The following RALGAPA2 variants were observed in gnomAD, a reference collection of about 807,000 sequenced individuals.
RALGAPA2 encodes ral GTPase-activating protein subunit alpha-2.
In RALGAPA2, 139 loss-of-function variants were observed where a neutral mutation model predicts 230.4. The observed-to-expected ratio is 0.60, with a 90% CI of 0.53 to 0.69. The LOEUF is 0.69. Ranked by LOEUF, RALGAPA2 falls within the 30% of genes least tolerant of loss-of-function variation. The probability of loss-of-function intolerance (pLI) is 0.00; values close to 1 mark genes in which losing one functional copy is unlikely to be tolerated. For missense variants in RALGAPA2, 2,163 were observed against 2,276.0 expected (o/e 0.95, Z 1.01); for synonymous variants, 847 against 837.8 (o/e 1.01, Z -0.19).
rs2059634957 is a variant in RALGAPA2 at position 20,393,261 on chromosome 20, G to C, written c.*36-8C>G. 7.5e-7 allele frequency: 1 copy of C among 1,337,908 alleles called. No homozygotes were observed. Among genetic ancestry groups the C allele is most frequent in the African/African-American group, 1.5e-5 (1 of 66,912 alleles). 82.9% of individuals were successfully genotyped at this position (1,337,908 alleles called of 1,614,324 possible). Reference sequence around the variant, plus strand: ...GACTGGAGGCCAGGGCCCCTGCAAAGGAAGCAGAGAACTGCTAAGTCATGG... The same window carrying C: ...GACTGGAGGCCAGGGCCCCTGCAAACGAAGCAGAGAACTGCTAAGTCATGG... On this transcript the variant is annotated splice_region_variant and splice_polypyrimidine_tract_variant and intron_variant, in intron 39 of 39. Transcript: ENST00000202677.
At position 20,393,098 on chromosome 20, in the gene RALGAPA2, A is replaced by G; in HGVS notation, c.*191T>C. 7.4e-7 allele frequency: 1 copy of G among 1,355,424 alleles called. No individual in the cohort carries two copies. Among genetic ancestry groups the G allele is most frequent in the Non-Finnish European group, 9.8e-7 (1 of 1,016,578 alleles). 84.0% of individuals were successfully genotyped at this position (1,355,424 alleles called of 1,614,324 possible). On this transcript the variant is annotated 3_prime_UTR_variant, in exon 40 of 40. Coordinates refer to ENST00000202677, the MANE Select transcript of RALGAPA2 (RefSeq NM_020343.4). Reference sequence around the variant, plus strand: ...GATTCACCATGGGCTTCAGAAGTCCACTAATGGGAAGACCTGCTGAGGGCA... The same window carrying G: ...GATTCACCATGGGCTTCAGAAGTCCGCTAATGGGAAGACCTGCTGAGGGCA...
chr20:20,412,177 C>T, intron 37 of RALGAPA2, 29 bp from the exon 38 acceptor site: 1 of 1,612,360 alleles, frequency 6.2e-7, no homozygotes, highest in Non-Finnish European at 8.5e-7. Context: ...GAAACAAGTG[C>T]ACGTGCAAAG....
rs2060634424 is a variant in RALGAPA2 at position 20,437,210 on chromosome 20, C to T, written c.5496-25062G>A. 6.6e-6 allele frequency among the ~76,000 whole-genome samples: 1 copy of T among 152,144 alleles called. No individual in the cohort carries two copies. The highest frequency in any genetic ancestry group is 1.5e-5 in the Non-Finnish European group (1 of 68,030). Reference sequence around the variant, plus strand: ...TGGGGAAATTAAGGAGACTGGCAACCACAAACCACTCTGAACGTCCTGAAG... The same window carrying T: ...TGGGGAAATTAAGGAGACTGGCAACTACAAACCACTCTGAACGTCCTGAAG... On this transcript the variant is annotated intron_variant, in intron 37 of 39. Coordinates refer to ENST00000202677, the MANE Select transcript of RALGAPA2 (RefSeq NM_020343.4). The surrounding 1 kb of genome is among the most constrained non-coding windows in gnomAD (Gnocchi z 4.1).
intron 33 of RALGAPA2, among the ~76,000 whole-genome samples, chr20:20,506,580 C>A (rs1020841423): frequency 6.6e-6 from 1 of 152,058 alleles, no homozygotes; most frequent in Admixed American, 6.6e-5. Context: ...ACTTCCAGAG[C>A]GGTTCCAACT....
At chr20:20,654,879 C>T (rs1834780566) in intron 3 of RALGAPA2, among the ~76,000 whole-genome samples, 1 of 152,144 alleles carries the variant, frequency 6.6e-6, no homozygotes, top group Non-Finnish European at 1.5e-5. Flanking sequence ...CCAGCATTTC[C>T]TTTTCTCTAC....
rs117016127 is a variant in RALGAPA2, at chr20:20,508,880, G to A, written c.4928+2374C>T. Among the ~76,000 whole-genome samples the A allele has an allele frequency of 1.9e-3, 286 of 152,334 alleles. 1 individual carries two copies. The highest frequency in any genetic ancestry group is 3.1e-3 in the Non-Finnish European group (214 of 68,032). On this transcript the variant is annotated intron_variant, in intron 33 of 39. Transcript: ENST00000202677. ...TCCAGGAGTTGGGGTTTTAAGTGAA[G>A]GTTGATCAAGGGGCAGGGGACTGCC...
intron 4 of RALGAPA2, 84 bp downstream of exon 4, chr20:20,653,446 T>C: frequency 1.3e-6 from 1 of 785,758 alleles, no homozygotes. Flanking sequence ...ATAAGCTATC[T>C]TGATGATATC....
At chr20:20,506,717 T>C (rs1228839875) in intron 33 of RALGAPA2, among the ~76,000 whole-genome samples, 1 of 152,252 alleles carries the variant, frequency 6.6e-6, no homozygotes, top group Non-Finnish European at 1.5e-5. Flanking sequence ...TATTTCAACA[T>C]TGTAATTTGA....
intron 4 of RALGAPA2, among the ~76,000 whole-genome samples, chr20:20,650,486 G>A (rs2146587172): frequency 6.6e-6 from 1 of 152,256 alleles, no homozygotes; most frequent in South Asian, 2.1e-4. Context: ...CCGCATCAGT[G>A]GTGTATAACT....
intron 37 of RALGAPA2, among the ~76,000 whole-genome samples, chr20:20,418,502 G>GT (rs1326600808): frequency 1.3e-5 from 2 of 152,122 alleles, no homozygotes; most frequent in East Asian, 3.9e-4. Context: ...ATGAGCTCTG[G>GT]TACATATGTG....
chr20:20,634,423 G>A (rs192741147), intron 9 of RALGAPA2, among the ~76,000 whole-genome samples: 2 of 152,142 alleles, frequency 1.3e-5, no homozygotes, highest in Admixed American at 6.5e-5. Flanking sequence ...CTTTCAGCAA[G>A]TCTTTCATTG....
At chr20:20,419,038 C>G (rs1011428317) in intron 37 of RALGAPA2, among the ~76,000 whole-genome samples, 3 of 152,134 alleles carry the variant, frequency 2.0e-5, no homozygotes, top group African/African-American at 7.2e-5. Flanking sequence ...CCTTACCTGG[C>G]CTATATATAT....
intron 2 of RALGAPA2, among the ~76,000 whole-genome samples, chr20:20,679,985 C>A (rs1306349624): frequency 6.6e-6 from 1 of 152,198 alleles, no homozygotes; most frequent in Non-Finnish European, 1.5e-5. Context: ...GTGACAGCAG[C>A]TACTACTTAC....
intron 37 of RALGAPA2, among the ~76,000 whole-genome samples, chr20:20,458,755 C>CACCTATATATAT (rs1569417929): frequency 8.5e-4 from 1 of 1,174 alleles, no homozygotes; most frequent in Non-Finnish European, 1.6e-3. Flanking sequence ...TATACATACA[C>CACCTATATATAT]ACCTATATAT....
At chr20:20,688,899 T>G (rs2068799794) in intron 1 of RALGAPA2, among the ~76,000 whole-genome samples, 1 of 152,308 alleles carries the variant, frequency 6.6e-6, no homozygotes. Flanking sequence ...GAGTCAGGAC[T>G]ACTACCCTAG....
intron 26 of RALGAPA2, among the ~76,000 whole-genome samples, chr20:20,535,484 CAT>C (rs2063472865): frequency 6.6e-6 from 1 of 152,134 alleles, no homozygotes; most frequent in African/African-American, 2.4e-5. Flanking sequence ...TCAGAGGATA[CAT>C]GATTATATTT....
intron 37 of RALGAPA2, among the ~76,000 whole-genome samples, chr20:20,460,155 G>T (rs760766004): frequency 3.9e-5 from 6 of 152,192 alleles, no homozygotes; most frequent in Non-Finnish European, 5.9e-5. Flanking sequence ...TCTAGTTGGG[G>T]CTGGGAGAAC....
intron 24 of RALGAPA2, among the ~76,000 whole-genome samples, chr20:20,542,395 AT>A (rs2063669885): frequency 6.6e-6 from 1 of 152,212 alleles, no homozygotes; most frequent in African/African-American, 2.4e-5. Flanking sequence ...TCCTCACAGA[AT>A]TAGAAAAGAC....
rs138813065 is a variant in RALGAPA2 at position 20,396,133 on chromosome 20, C to T, written c.*35+562G>A. Among the ~76,000 whole-genome samples, 191 of 152,328 alleles carry T rather than the reference C, an allele frequency of 1.3e-3. 1 individual carries two copies. In the East Asian group the frequency reaches 0.035, roughly 28 times the overall value. On this transcript the variant is annotated intron_variant, in intron 39 of 39. Transcript: ENST00000202677. ...GGGAGGTCACACCTGCCATGGCCAG[C>T]CTATCCTCTGGGTCCTAGACCGCAG... is the stretch of plus-strand genomic sequence containing the variant.
Sources: allele counts gnomAD v4.1 joint callset (sites outside exome capture counted in the v4.1 genomes callset), GRCh38; gene constraint gnomAD v4.1.1; non-coding constraint Gnocchi (gnomAD v3.1); transcripts MANE v1.5; gene names NCBI Gene and HGNC (gene_info 2026-07-23, HGNC 2026-07-21).